CDCA7L: variants seen among roughly 807,000 people sequenced by gnomAD.
CDCA7L encodes cell division cycle associated 7 like, also known as cell division cycle-associated 7-like protein.
Under a neutral mutation model 57.4 loss-of-function variants are expected in CDCA7L, and 44 were observed. The ratio of observed to expected loss-of-function variants is 0.77; its 90% CI spans 0.60 to 0.98. The LOEUF is 0.98. CDCA7L is among the 50% of genes least tolerant of loss of function. The pLI is 0.00. For synonymous variants in CDCA7L, 236 were observed against 202.8 expected, an observed-to-expected ratio of 1.16 and a Z score of -1.39; for missense variants, 644 against 580.6, an observed-to-expected ratio of 1.11 and a Z score of -1.12.
intron 1 of CDCA7L, among the ~76,000 whole-genome samples, chr7:21,944,449 CAAAAAAAAA>C (rs59373889): frequency 3.4e-4 from 21 of 61,660 alleles, no homozygotes; most frequent in South Asian, 5.7e-4. Flanking sequence ...ACTCCGTCTC[CAAAAAAAAA>C]AAAAAAAAAA....
intron 1 of CDCA7L, among the ~76,000 whole-genome samples, chr7:21,935,670 C>T (rs1445955718): frequency 6.6e-6 from 1 of 151,900 alleles, no homozygotes; most frequent in Non-Finnish European, 1.5e-5. Context: ...ACTCAAATTA[C>T]TAACGTTAGT....
rs1786508570 is a variant in CDCA7L at position 21,945,837 on chromosome 7, A to T, written c.-33T>A. On this transcript the variant is annotated 5_prime_UTR_variant, in exon 1 of 10. Coordinates refer to ENST00000406877, the MANE Select transcript of CDCA7L (RefSeq NM_018719.5). ...AACCGGGCTCCAGTCTCCTCCCAGC[A>T]CGCGGCCACGGGAGCCCGGACTCAC... 3 of 1,591,968 alleles carry T rather than the reference A, an allele frequency of 1.9e-6. No individual in the cohort carries two copies. The highest frequency in any genetic ancestry group is 3.5e-5 in the Admixed American group (2 of 57,680).
intron 2 of CDCA7L, among the ~76,000 whole-genome samples, chr7:21,915,885 C>T (rs1785468713): frequency 6.6e-6 from 1 of 151,760 alleles, no homozygotes; most frequent in Non-Finnish European, 1.5e-5. Context: ...AGGAAGAAAC[C>T]CAGGTGGTTA....
rs565810833 is a variant in CDCA7L, at chr7:21,900,977, A to G, written c.*1345T>C. 9.7e-6 allele frequency: 15 copies of G among 1,539,774 alleles called. No individual in the cohort carries two copies. In the East Asian group the frequency reaches 3.2e-4, roughly 33 times the overall value. ...ATTATCATTAGTAGCAAGCTGCCACACAATTGCAACCGCTGTGTTTTTGCC... is the reference window on the plus strand; with the variant it reads ...ATTATCATTAGTAGCAAGCTGCCACGCAATTGCAACCGCTGTGTTTTTGCC... On this transcript the variant is annotated 3_prime_UTR_variant, in exon 10 of 10. Transcript: ENST00000406877.
At position 21,906,332 on chromosome 7, in the gene CDCA7L, A is replaced by T. The variant is rs770546760; in HGVS notation, c.878T>A (p.Phe293Tyr). The change falls in exon 6 of 10, where the codon TTT (phenylalanine) becomes TAT (tyrosine). Residue 293 changes from phenylalanine (F) to tyrosine (Y), a missense_variant. By Grantham distance (22) the Phe-to-Tyr change is conservative. Coordinates refer to ENST00000406877, the MANE Select transcript of CDCA7L (RefSeq NM_018719.5). ...LENFTVSAAK[F>Y]AEEFYSFRRR... ...TCGGAAGCTGTAAAACTCTTCCGCAAATTTAGCGGCTGAGACAGTGAAGTT... is the reference window on the plus strand; with the variant it reads ...TCGGAAGCTGTAAAACTCTTCCGCATATTTAGCGGCTGAGACAGTGAAGTT... 4 of 1,610,018 alleles carry T rather than the reference A, an allele frequency of 2.5e-6. No individual in the cohort carries two copies. The East Asian group carries it at 6.7e-5, about 27-fold the overall frequency.
intron 1 of CDCA7L, among the ~76,000 whole-genome samples, chr7:21,930,826 C>CA (rs1249205599): frequency 3.3e-5 from 5 of 150,638 alleles, no homozygotes; most frequent in Admixed American, 6.6e-5. Flanking sequence ...AAAAACCCTT[C>CA]AAAAAAATCA....
In CDCA7L at chr7:21,902,064, T is replaced by TAAA; in HGVS notation, c.*257_*258insTTT. On this transcript the variant is annotated 3_prime_UTR_variant, in exon 10 of 10. Coordinates refer to ENST00000406877, the MANE Select transcript of CDCA7L (RefSeq NM_018719.5). ...CCCACCCCATTTAAACTGTGCTTTT[T>TAAA]AATAACTGGCAGATATTTTTAACAA... 2 of 490,618 alleles carry TAAA rather than the reference T, an allele frequency of 4.1e-6. No homozygotes were observed. Among genetic ancestry groups the TAAA allele is most frequent in the Non-Finnish European group, 3.7e-6 (1 of 272,836 alleles). 30.4% of individuals were successfully genotyped at this position (490,618 alleles called of 1,614,324 possible).
At chr7:21,943,204 A>G (rs1786399812) in intron 1 of CDCA7L, among the ~76,000 whole-genome samples, 1 of 152,252 alleles carries the variant, frequency 6.6e-6, no homozygotes, top group Non-Finnish European at 1.5e-5. Context: ...TCAGCACGAC[A>G]AGACTACAGC....
intron 1 of CDCA7L, among the ~76,000 whole-genome samples, chr7:21,933,381 CAA>C (rs1369656715): frequency 1.3e-5 from 2 of 152,116 alleles, no homozygotes; most frequent in Non-Finnish European, 2.9e-5. Flanking sequence ...TTCACGATAG[CAA>C]AGACTTGGAA....
At chr7:21,902,582 A>ATTCAGAG in intron 9 of CDCA7L, 4 of 440,772 alleles carry the variant, frequency 9.1e-6, no homozygotes, top group Middle Eastern at 4.6e-4. Context: ...GAGTTTATTA[A>ATTCAGAG]TTACATAAAT....
In CDCA7L at chr7:21,901,474, TAGG is replaced by T. The variant is rs1784844816; in HGVS notation, c.*845_*847del. On this transcript the variant is annotated 3_prime_UTR_variant, in exon 10 of 10. Coordinates refer to ENST00000406877, the MANE Select transcript of CDCA7L (RefSeq NM_018719.5). The stretch of plus-strand genomic sequence containing the variant: ...ACTGTAATCCCAGTTACTCAGGAGG[TAGG>T]AGAATCACTTGAACCTAGGAGGCAA... 1 of 511,394 alleles carries T rather than the reference TAGG, an allele frequency of 2.0e-6. No homozygotes were observed. Among genetic ancestry groups the T allele is most frequent in the Non-Finnish European group, 2.9e-6 (1 of 343,070 alleles). 31.7% of individuals were successfully genotyped at this position (511,394 alleles called of 1,614,324 possible). A position where few individuals can be genotyped will look rare whatever the true frequency, so the allele number is the denominator to read the frequency against.
chr7:21,903,084 A>G lies in CDCA7L; in HGVS notation c.1228T>C (p.Cys410Arg). 1 of 1,614,052 alleles carries G rather than the reference A, an allele frequency of 6.2e-7. No individual in the cohort carries two copies. The highest frequency in any genetic ancestry group is 8.5e-7 in the Non-Finnish European group (1 of 1,179,970). The change falls in exon 9 of 10, where the codon TGC becomes CGC. Residue 410 changes from cysteine (C) to arginine (R), a missense_variant. By Grantham distance (180) the Cys-to-Arg change is radical. Transcript: ENST00000406877. The part of the protein sequence containing the change: ...DWVCPPCRGI[C>R]NCSYCRKRDG... Reference sequence around the variant, plus strand: ...CGCTTCCGACAGTAGCTGCAATTGCAGATCCCACGACAGGGGGGACACACC... The same window carrying G: ...CGCTTCCGACAGTAGCTGCAATTGCGGATCCCACGACAGGGGGGACACACC...
Position 21,945,846 on chromosome 7 carries a change from C to G in CDCA7L, c.-42G>C. 1.3e-6 allele frequency: 2 copies of G among 1,587,436 alleles called. No individual in the cohort carries two copies. Among genetic ancestry groups the G allele is most frequent in the Non-Finnish European group, 1.7e-6 (2 of 1,169,108 alleles). On this transcript the variant is annotated 5_prime_UTR_variant, in exon 1 of 10. Transcript: ENST00000406877. ...CCAGTCTCCTCCCAGCACGCGGCCA[C>G]GGGAGCCCGGACTCACCACGGCCCG...
At position 21,902,971 on chromosome 7, in the gene CDCA7L, T is replaced by TACTTACCTCTCCAGATATTCCTTA. The variant is rs780529185; in HGVS notation, c.1317_1334+6dup. ...GCTGTTTTGTAAGCTGCTAGAGACT[T>TACTTACCTCTCCAGATATTCCTTA]ACTTACCTCTCCAGATATTCCTTAA... On this transcript the variant is annotated splice_region_variant and intron_variant, in intron 9 of 9. Coordinates refer to ENST00000406877, the MANE Select transcript of CDCA7L (RefSeq NM_018719.5). 7.7e-5 allele frequency: 125 copies of TACTTACCTCTCCAGATATTCCTTA among 1,613,276 alleles called. No individual in the cohort carries two copies. Among genetic ancestry groups the TACTTACCTCTCCAGATATTCCTTA allele is most frequent in the Non-Finnish European group, 9.9e-5 (117 of 1,179,604 alleles).
chr7:21,920,283 T>C (rs1785611094), intron 1 of CDCA7L, among the ~76,000 whole-genome samples: 1 of 152,228 alleles, frequency 6.6e-6, no homozygotes, highest in South Asian at 2.1e-4. Flanking sequence ...ACCACTGCAC[T>C]AGCATATACA....
At position 21,906,603 on chromosome 7, in the gene CDCA7L, C is replaced by A; in HGVS notation, c.718G>T (p.Asp240Tyr). Residue 240 changes from aspartate (D) to tyrosine (Y), a missense_variant, in exon 5 of 10, where the codon GAT becomes TAT. Coordinates refer to ENST00000406877, the MANE Select transcript of CDCA7L (RefSeq NM_018719.5). ...QLLAELNSMP[D>Y]FFPVRTPTSA... ...GTTGGGGTTCGTACTGGGAAGAAAT[C>A]TGGCATCGAGTTCAATTCCGCCAAT... 6.2e-7 allele frequency: 1 copy of A among 1,614,142 alleles called. No homozygotes were observed. Among genetic ancestry groups the A allele is most frequent in the Non-Finnish European group, 8.5e-7 (1 of 1,180,032 alleles).
chr7:21,931,889 A>C (rs1786029837), intron 1 of CDCA7L, among the ~76,000 whole-genome samples: 1 of 152,242 alleles, frequency 6.6e-6, no homozygotes, highest in Admixed American at 6.5e-5. Context: ...TGCAGATGAC[A>C]TGACTGTATA....
In CDCA7L at chr7:21,908,181, A is replaced by G. The variant is rs1785199454; in HGVS notation, c.630T>C (p.Ser210=). ...TGGTCCTTTTCAGCAAAGCATCTGA[A>G]CTCTCCTGGCTCTCATCCCGAGAGT... ...EDDSRDESQE[S]SDALLKRTMN... Residue 210 remains serine, a synonymous_variant, in exon 4 of 10, where the codon AGT becomes AGC. Coordinates refer to ENST00000406877, the MANE Select transcript of CDCA7L (RefSeq NM_018719.5). The G allele has an allele frequency of 6.3e-7, 1 of 1,593,974 alleles. No homozygotes were observed. Among genetic ancestry groups the G allele is most frequent in the Non-Finnish European group, 8.5e-7 (1 of 1,175,254 alleles).
At chr7:21,930,712 AAAAAAAAAAAAG>A (rs1785981994) in intron 1 of CDCA7L, among the ~76,000 whole-genome samples, 1 of 149,902 alleles carries the variant, frequency 6.7e-6, no homozygotes, top group African/African-American at 2.4e-5. Flanking sequence ...AAAAAAAAAA[AAAAAAAAAAAAG>A]AACTAGAGAC....
Sources: allele counts gnomAD v4.1 joint callset (sites outside exome capture counted in the v4.1 genomes callset), GRCh38; gene constraint gnomAD v4.1.1; transcripts MANE v1.5; gene names NCBI Gene and HGNC (gene_info 2026-07-23, HGNC 2026-07-21).